Variants in VIPR2 observed in about 807,000 individuals in gnomAD.
VIPR2 encodes the protein vasoactive intestinal polypeptide receptor 2.
VIPR2 carries 48 observed loss-of-function variants against 58.0 expected under a neutral mutation model. The ratio of observed to expected loss-of-function variants is 0.83; its 90% CI spans 0.66 to 1.05. The LOEUF is 1.05. Among genes scored for constraint, VIPR2 ranks in the 50% least tolerant of loss-of-function variants. The probability of loss-of-function intolerance (pLI) is 0.00; values close to 1 mark genes in which losing one functional copy is unlikely to be tolerated. For missense variants in VIPR2, 534 were observed against 558.0 expected, an observed-to-expected ratio of 0.96 and a Z score of 0.43; for synonymous variants, 243 against 235.2, an observed-to-expected ratio of 1.03 and a Z score of -0.30.
intron 4 of VIPR2, among the ~76,000 whole-genome samples, chr7:159,100,585 T>C (rs1406999015): frequency 6.6e-6 from 1 of 152,208 alleles, no homozygotes; most frequent in Non-Finnish European, 1.5e-5. Flanking sequence ...CGTGATATGG[T>C]TTTCCTGTGT....
At position 159,097,492 on chromosome 7, in the gene VIPR2, T is replaced by C. The variant is rs954996508; in HGVS notation, c.357+6265A>G. 2.6e-5 allele frequency among the ~76,000 whole-genome samples: 4 copies of C among 152,020 alleles called. No homozygotes were observed. Among genetic ancestry groups the C allele is most frequent in the Non-Finnish European group, 1.5e-5 (1 of 68,000 alleles). ...AACGCCACACTCCGCCCTGGCCACC[T>C]CCACCACAGAAGCAATGGCAGGGCT... On this transcript the variant is annotated intron_variant, in intron 4 of 12. Transcript: ENST00000262178. The surrounding 1 kb of genome is among the most constrained non-coding windows in gnomAD (Gnocchi z 5.3).
chr7:159,114,673 G>C (rs556818244), intron 2 of VIPR2, among the ~76,000 whole-genome samples: 1 of 152,240 alleles, frequency 6.6e-6, no homozygotes, highest in African/African-American at 2.4e-5. Context: ...AGGCACTGTG[G>C]TAAGTACCTG....
At chr7:159,142,629 C>T in intron 1 of VIPR2, 84 bp from the exon 2 acceptor site, 1 of 991,128 alleles carries the variant, frequency 1.0e-6, no homozygotes. Flanking sequence ...AAAACAACCC[C>T]AAACCTCACA....
rs990704035 is a variant in VIPR2, at chr7:159,036,922, G to A, written c.598-20C>T. 9 of 1,606,282 alleles carry A rather than the reference G, an allele frequency of 5.6e-6. No individual in the cohort carries two copies. The African/African-American group carries it at 9.3e-5, about 17-fold the overall frequency. ...GCCCACCTGGAAACCGCAAACAGAG[G>A]AGAGGAAAGCATGACCTCATCCGGT... On this transcript the variant is annotated intron_variant, in intron 6 of 12. Coordinates refer to ENST00000262178, the MANE Select transcript of VIPR2 (RefSeq NM_003382.5).
intron 4 of VIPR2, among the ~76,000 whole-genome samples, chr7:159,082,608 TAAAGTA>T (rs1328388106): frequency 9.9e-5 from 15 of 152,136 alleles, no homozygotes; most frequent in Non-Finnish European, 1.9e-4. Flanking sequence ...CCCTAAAACT[TAAAGTA>T]TAATAAAAAA....
chr7:159,032,317 C>T (rs1345986680), intron 10 of VIPR2, among the ~76,000 whole-genome samples: 1 of 152,244 alleles, frequency 6.6e-6, no homozygotes, highest in African/African-American at 2.4e-5. Flanking sequence ...CAAATTCCCT[C>T]ACAAGGACAC....
At chr7:159,059,384 A>AC (rs1291177739) in intron 4 of VIPR2, 4 of 470,478 alleles carry the variant, frequency 8.5e-6, no homozygotes, top group Non-Finnish European at 1.8e-5. Context: ...GAAACAATCC[A>AC]CGTGTGCTTA....
rs575420488 is a variant in VIPR2, at chr7:159,094,464, T to C, written c.357+9293A>G. Reference sequence around the variant, plus strand: ...GCTGGCACTCAGGAACCAGAGCTGCTGGGAGGCCCAGGTCGTGGCCACGTG... The same window carrying C: ...GCTGGCACTCAGGAACCAGAGCTGCCGGGAGGCCCAGGTCGTGGCCACGTG... On this transcript the variant is annotated intron_variant, in intron 4 of 12. Transcript: ENST00000262178. Among the ~76,000 whole-genome samples the C allele has an allele frequency of 3.3e-5, 5 of 152,342 alleles. No homozygotes were observed. In the South Asian group the frequency reaches 1.0e-3, roughly 32 times the overall value.
intron 4 of VIPR2, among the ~76,000 whole-genome samples, chr7:159,082,180 G>A (rs556169323): frequency 0.013 from 2,047 of 152,256 alleles, 28 homozygotes; most frequent in Admixed American, 0.029. Context: ...GTTTACTGTG[G>A]CACTATTCAC....
At chr7:159,141,737 C>A (rs762467816) in intron 2 of VIPR2, among the ~76,000 whole-genome samples, 15 of 152,174 alleles carry the variant, frequency 9.9e-5, no homozygotes, top group Non-Finnish European at 1.9e-4. Context: ...TGAATAAAGC[C>A]CACCATCTGA....
chr7:159,077,017 A>G (rs1856670384), intron 4 of VIPR2, among the ~76,000 whole-genome samples: 1 of 152,252 alleles, frequency 6.6e-6, no homozygotes, highest in Non-Finnish European at 1.5e-5. Context: ...GATTGACTTT[A>G]TGGAGCTAAT....
chr7:159,124,353 T>A (rs1377174085), intron 2 of VIPR2, among the ~76,000 whole-genome samples: 1 of 152,202 alleles, frequency 6.6e-6, no homozygotes, highest in Non-Finnish European at 1.5e-5. Flanking sequence ...AGCTTCGATC[T>A]CCCACATATG....
rs772155938 is a variant in VIPR2, at chr7:159,036,912, G to A, written c.598-10C>T. ...TCAGCTTGCAGCCCACCTGGAAACC[G>A]CAAACAGAGGAGAGGAAAGCATGAC... is the stretch of plus-strand genomic sequence containing the variant. On this transcript the variant is annotated splice_polypyrimidine_tract_variant and intron_variant, in intron 6 of 12. Coordinates refer to ENST00000262178, the MANE Select transcript of VIPR2 (RefSeq NM_003382.5). The A allele has an allele frequency of 1.0e-4, 164 of 1,608,758 alleles. 1 individual carries two copies. Among genetic ancestry groups the A allele is most frequent in the Non-Finnish European group, 1.3e-4 (150 of 1,176,468 alleles).
rs979439738 is a variant in VIPR2, at chr7:159,028,669, C to G, written c.*1947G>C. On this transcript the variant is annotated 3_prime_UTR_variant, in exon 13 of 13. Transcript: ENST00000262178. ...AGGCTGGGGGTGGGTCTGTCCAAAC[C>G]CTACAGGGGAGGAACAGCCGAGGGG... 2 of 152,404 alleles carry G rather than the reference C, an allele frequency of 1.3e-5. No individual in the cohort carries two copies. Among genetic ancestry groups the G allele is most frequent in the African/African-American group, 4.8e-5 (2 of 41,468 alleles). The allele number at this position is 152,404 out of a possible 1,614,324, so 9.4% of individuals were successfully genotyped here.
rs895188900 is a variant in VIPR2, at chr7:159,128,462, C to A, written c.151+13984G>T. ...AAACCTCTGGGCCCCCCTGGCCACT[C>A]CCCTCCTGCCTTGGGCCTCCCACCT... On this transcript the variant is annotated intron_variant, in intron 2 of 12. Transcript: ENST00000262178. This position sits in a 1 kb window ranked among gnomAD's most constrained non-coding sequence, Gnocchi z 4.1. 1.8e-4 allele frequency among the ~76,000 whole-genome samples: 28 copies of A among 152,196 alleles called. No homozygotes were observed. The highest frequency in any genetic ancestry group is 6.8e-4 in the African/African-American group (28 of 41,456).
At chr7:159,121,656 G>T (rs1796460931) in intron 2 of VIPR2, among the ~76,000 whole-genome samples, 1 of 152,082 alleles carries the variant, frequency 6.6e-6, no homozygotes, top group African/African-American at 2.4e-5. Context: ...CATTTTTAAT[G>T]GCTGTATAAT....
At chr7:159,139,582 T>TA (rs554575161) in intron 2 of VIPR2, among the ~76,000 whole-genome samples, 4 of 152,260 alleles carry the variant, frequency 2.6e-5, no homozygotes, top group African/African-American at 4.8e-5. Flanking sequence ...TCCATTGTTT[T>TA]AAAAAAAATC....
chr7:159,139,506 C>T (rs536068153), intron 2 of VIPR2, among the ~76,000 whole-genome samples: 1 of 152,226 alleles, frequency 6.6e-6, no homozygotes, highest in Admixed American at 6.5e-5. Flanking sequence ...CGTTGTTAGC[C>T]TGCAAGTGGG....
At chr7:159,050,830 A>G (rs1243026660) in intron 5 of VIPR2, among the ~76,000 whole-genome samples, 1 of 152,208 alleles carries the variant, frequency 6.6e-6, no homozygotes, top group Non-Finnish European at 1.5e-5. Context: ...CTTAAGTCCT[A>G]TGAGAGTGTA....
Sources: gnomAD v4.1 joint callset for allele counts (sites outside exome capture counted in the v4.1 genomes callset) on GRCh38, gnomAD v4.1.1 for gene constraint, Gnocchi (gnomAD v3.1) non-coding constraint, MANE v1.5 for transcripts, NCBI Gene and HGNC (gene_info 2026-07-23, HGNC 2026-07-21) for gene names.